Variants in SMC4 observed in about 807,000 individuals in gnomAD.
SMC4 encodes the protein structural maintenance of chromosomes 4.
In SMC4, 87 loss-of-function variants were observed where a neutral mutation model predicts 145.6. The observed-to-expected ratio is 0.60, with a 90% CI of 0.50 to 0.71. The LOEUF (loss-of-function observed/expected upper bound fraction) is 0.71. Among genes scored for constraint, SMC4 ranks in the 30% least tolerant of loss-of-function variants. The pLI is 0.00. For synonymous variants in SMC4, 558 were observed against 500.7 expected (o/e 1.11, Z -1.53); for missense variants, 1,447 against 1,537.1 (o/e 0.94, Z 0.98).
Position 160,424,244 on chromosome 3 carries a change from T to C in SMC4, c.2325+404T>C, listed in dbSNP as rs541720031. Among the ~76,000 whole-genome samples the C allele has an allele frequency of 1.3e-3, 198 of 152,352 alleles. 1 individual carries two copies. The highest frequency in any genetic ancestry group is 4.6e-3 in the African/African-American group (190 of 41,586). ...CAACTTCAGAGTATTTTAAACTTTT[T>C]TCCTCCTCAAAAACATGTTCTGAAA... is the stretch of plus-strand genomic sequence containing the variant. On this transcript the variant is annotated intron_variant, in intron 15 of 23. Coordinates refer to ENST00000357388, the MANE Select transcript of SMC4 (RefSeq NM_001002800.3).
In SMC4 at chr3:160,406,489, C is replaced by A. The variant is rs147945472; in HGVS notation, c.687+1985C>A. On this transcript the variant is annotated intron_variant, in intron 5 of 23. Coordinates refer to ENST00000357388, the MANE Select transcript of SMC4 (RefSeq NM_001002800.3). ...GTAAGTAAAAATGTGATTTTTATTA[C>A]CTTCTCTCCTACTGAATAACATCTA... 3.2e-3 allele frequency among the ~76,000 whole-genome samples: 486 copies of A among 152,072 alleles called. 2 individuals carry two copies. The highest frequency in any genetic ancestry group is 0.011 in the African/African-American group (467 of 41,514).
intron 5 of SMC4, among the ~76,000 whole-genome samples, chr3:160,409,412 GGA>G (rs1478320433): frequency 6.6e-6 from 1 of 150,884 alleles, no homozygotes. Flanking sequence ...CATTTTATTT[GGA>G]GAGAGAGGAA....
chr3:160,434,371 AG>A lies in SMC4; in HGVS notation c.*564del, dbSNP rs1174458964. On this transcript the variant is annotated 3_prime_UTR_variant, in exon 24 of 24. Transcript: ENST00000357388. ...TTAATTACCAGAGAGCCAGTAAATT[AG>A]GACAGTGTTTCAACAAGCCTAGGCT... 6.6e-6 allele frequency: 1 copy of A among 152,318 alleles called. No homozygotes were observed. The highest frequency in any genetic ancestry group is 1.5e-5 in the Non-Finnish European group (1 of 68,100). 9.4% of individuals were successfully genotyped at this position (152,318 alleles called of 1,614,324 possible).
chr3:160,432,665 G>A (rs958121028), intron 22 of SMC4, 150 bp downstream of exon 22: 6 of 586,668 alleles, frequency 1.0e-5, no homozygotes, highest in African/African-American at 3.7e-5. Context: ...TGCTATTTAT[G>A]CTTGCAGTTT....
At chr3:160,430,974 T>A in intron 19 of SMC4, 58 bp from the exon 20 acceptor site, 1 of 1,509,846 alleles carries the variant, frequency 6.6e-7, no homozygotes. Context: ...ATCTCTGTAA[T>A]GTGAAAATGA....
At position 160,412,469 on chromosome 3, in the gene SMC4, G is replaced by A; in HGVS notation, c.980+16G>A. On this transcript the variant is annotated intron_variant, in intron 7 of 23. Coordinates refer to ENST00000357388, the MANE Select transcript of SMC4 (RefSeq NM_001002800.3). ...AATATTATATGTAAGTGCCTTGATTGATATTACCAATTTTTATATTAGTTT... is the reference window on the plus strand; with the variant it reads ...AATATTATATGTAAGTGCCTTGATTAATATTACCAATTTTTATATTAGTTT... 1 of 1,582,636 alleles carries A rather than the reference G, an allele frequency of 6.3e-7. No homozygotes were observed. Among genetic ancestry groups the A allele is most frequent in the South Asian group, 1.2e-5 (1 of 85,816 alleles).
At chr3:160,401,622 A>G (rs910110966) in intron 2 of SMC4, among the ~76,000 whole-genome samples, 1 of 152,218 alleles carries the variant, frequency 6.6e-6, no homozygotes, top group Non-Finnish European at 1.5e-5. Context: ...GATTTGCTCT[A>G]TGATGTAGTG....
In SMC4 at chr3:160,432,474, TG is replaced by T; in HGVS notation, c.3490del (p.Val1164Ter). On this transcript the variant is annotated frameshift_variant, in exon 22 of 24. Coordinates refer to ENST00000357388, the MANE Select transcript of SMC4 (RefSeq NM_001002800.3). LOFTEE classifies it high-confidence loss of function. ...TGGGAGGGGACGCCGAACTCGAGCTTGTAGACAGCTTGGATCCTTTCTCTGA... is the reference window on the plus strand; with the variant it reads ...TGGGAGGGGACGCCGAACTCGAGCTTTAGACAGCTTGGATCCTTTCTCTGA... Reference protein sequence around the residue: ...TLGGDAELELVDSLDPFSEGI... With the variant: ...TLGGDAELELXDSLDPFSEGI... 1 of 1,612,172 alleles carries T rather than the reference TG, an allele frequency of 6.2e-7. No individual in the cohort carries two copies. Among genetic ancestry groups the T allele is most frequent in the Non-Finnish European group, 8.5e-7 (1 of 1,179,154 alleles).
rs777211799 is a variant in SMC4 at position 160,433,792 on chromosome 3, T to TC, written c.3851dup (p.Lys1285Ter). 5 of 1,602,772 alleles carry TC rather than the reference T, an allele frequency of 3.1e-6. No individual in the cohort carries two copies. The African/African-American group carries it at 6.7e-5, about 22-fold the overall frequency. ...TGCTGTAAATCCAAAAGAAATTGCA[T>TC]CTAAGGGACTTTGTTGAACTTTATG... On this transcript the variant is annotated frameshift_variant, in exon 24 of 24. Coordinates refer to ENST00000357388, the MANE Select transcript of SMC4 (RefSeq NM_001002800.3). LOFTEE classifies it high-confidence loss of function.
intron 20 of SMC4, 127 bp from the exon 21 acceptor site, chr3:160,431,516 A>T (rs919316306): frequency 2.6e-6 from 2 of 772,032 alleles, no homozygotes; most frequent in Admixed American, 3.2e-5. Flanking sequence ...CCTTTGAAAA[A>T]TAATTGATAA....
Position 160,430,715 on chromosome 3 carries a change from A to T in SMC4, c.2912A>T (p.Glu971Val). 6.2e-7 allele frequency: 1 copy of T among 1,612,716 alleles called. No individual in the cohort carries two copies. Among genetic ancestry groups the T allele is most frequent in the African/African-American group, 1.3e-5 (1 of 74,942 alleles). The change falls in exon 19 of 24, where the codon GAG becomes GTG. Residue 971 changes from glutamate (E) to valine (V), a missense_variant. By Grantham distance (121) the Glu-to-Val change is moderately radical. Coordinates refer to ENST00000357388, the MANE Select transcript of SMC4 (RefSeq NM_001002800.3). ...ELKSLEDKAA[E>V]VVKNTNAAEE... The stretch of plus-strand genomic sequence containing the variant: ...AAAAGTCTTGAGGACAAAGCAGCAG[A>T]GGTCGTAAAGAATACAAATGCTGCA...
chr3:160,421,070 C>G (rs1367542500), intron 13 of SMC4, among the ~76,000 whole-genome samples, 169 bp downstream of exon 13: 1 of 152,124 alleles, frequency 6.6e-6, no homozygotes, highest in Non-Finnish European at 1.5e-5. Context: ...TCTGGTACTA[C>G]AGGTGCCCGC....
intron 5 of SMC4, among the ~76,000 whole-genome samples, chr3:160,409,757 A>C (rs1384897104): frequency 6.6e-6 from 1 of 152,190 alleles, no homozygotes; most frequent in Non-Finnish European, 1.5e-5. Context: ...ATAAACACTA[A>C]CCCACAGGAT....
chr3:160,404,722 T>C (rs1021448761), intron 5 of SMC4: 1 of 682,932 alleles, frequency 1.5e-6, no homozygotes. Context: ...GTTCGTTTTA[T>C]GTTTGGATGA....
intron 17 of SMC4, among the ~76,000 whole-genome samples, chr3:160,427,752 A>G (rs1377549934): frequency 2.0e-5 from 3 of 152,230 alleles, no homozygotes; most frequent in Non-Finnish European, 4.4e-5. Context: ...TAAAGGCTAC[A>G]GTAAACCATT....
In SMC4 at chr3:160,411,907, C is replaced by CT. The variant is rs768607991; in HGVS notation, c.688-5dup. ...CATACACAGTGAGTATGAAATATAA[C>CT]TTTTTTTTAAAGGGTGAAGTTGAAC... On this transcript the variant is annotated splice_polypyrimidine_tract_variant and intron_variant, in intron 5 of 23. Transcript: ENST00000357388. The CT allele has an allele frequency of 1.9e-5, 31 of 1,607,382 alleles. No homozygotes were observed. The African/African-American group carries it at 3.0e-4, about 15-fold the overall frequency.
At chr3:160,414,838 G>C (rs994695136) in intron 9 of SMC4, among the ~76,000 whole-genome samples, 1 of 152,110 alleles carries the variant, frequency 6.6e-6, no homozygotes, top group Non-Finnish European at 1.5e-5. Flanking sequence ...AAGTAACGTG[G>C]ACTACAGGTG....
intron 5 of SMC4, among the ~76,000 whole-genome samples, chr3:160,409,253 G>A (rs1422130363): frequency 3.9e-5 from 4 of 103,644 alleles, no homozygotes; most frequent in South Asian, 7.1e-4. Context: ...GCGACAGAGC[G>A]AAACTCCGTC....
chr3:160,431,274 T>A (rs959575804), intron 20 of SMC4, 69 bp downstream of exon 20: 1 of 1,319,056 alleles, frequency 7.6e-7, no homozygotes, highest in African/African-American at 1.5e-5. Context: ...TGGGGAGGAT[T>A]GTTTTAGGGG....
Sources: gnomAD v4.1 joint callset for allele counts (sites outside exome capture counted in the v4.1 genomes callset) on GRCh38, gnomAD v4.1.1 for gene constraint, MANE v1.5 for transcripts, NCBI Gene and HGNC (gene_info 2026-07-23, HGNC 2026-07-21) for gene names.